CTDSP2: variants seen among roughly 807,000 people sequenced by gnomAD.
CTDSP2 encodes the protein CTD small phosphatase 2.
A neutral mutation model predicts 31.6 loss-of-function variants in CTDSP2; 9 were observed. That is an observed-to-expected ratio of 0.28 (90% confidence interval 0.17 to 0.50). The LOEUF is 0.50. CTDSP2 is among the 20% of genes least tolerant of loss of function. The probability of loss-of-function intolerance (pLI) is 0.98; values close to 1 mark genes in which losing one functional copy is unlikely to be tolerated. For missense variants in CTDSP2, 267 were observed against 348.5 expected (o/e 0.77, Z 1.86); for synonymous variants, 134 against 134.5 (o/e 1.00, Z 0.03).
At chr12:57,836,619 G>A (rs780366727) in intron 1 of CTDSP2, among the ~76,000 whole-genome samples, 13 of 152,144 alleles carry the variant, frequency 8.5e-5, no homozygotes, top group Non-Finnish European at 1.5e-4. Context: ...TCCAGCCTGG[G>A]TGACAGAGTG....
At chr12:57,845,424 T>G (rs1956308790) in intron 1 of CTDSP2, 1 of 152,056 alleles carries the variant, frequency 6.6e-6, no homozygotes, top group African/African-American at 2.4e-5. Context: ...GGGAGAGGCC[T>G]CGGCCTCCGC....
chr12:57,833,763 A>G (rs1956230490), intron 1 of CTDSP2, among the ~76,000 whole-genome samples: 1 of 152,226 alleles, frequency 6.6e-6, no homozygotes, highest in Non-Finnish European at 1.5e-5. Context: ...AGTTAGATAG[A>G]GAAGCCTCCT....
chr12:57,837,921 T>C (rs998379209), intron 1 of CTDSP2, among the ~76,000 whole-genome samples: 1 of 151,894 alleles, frequency 6.6e-6, no homozygotes, highest in Non-Finnish European at 1.5e-5. Context: ...GGGGCGAGGG[T>C]CACAGGTCAC....
intron 1 of CTDSP2, among the ~76,000 whole-genome samples, chr12:57,832,409 G>A (rs1300608647): frequency 6.6e-6 from 1 of 152,182 alleles, no homozygotes; most frequent in South Asian, 2.1e-4. Flanking sequence ...AGGATAAGCT[G>A]AGCACGGTGG....
rs139687109 is a variant in CTDSP2 at position 57,824,290 on chromosome 12, A to G, written c.441T>C (p.Asp147=). ...GTTCCCCCATGCGTCTCAGGAACTCATCCACATAAGGCCTCTTGAGCACAT... is the reference window on the plus strand; with the variant it reads ...GTTCCCCCATGCGTCTCAGGAACTCGTCCACATAAGGCCTCTTGAGCACAT... The part of the protein sequence containing the change: ...QVYVLKRPYV[D]EFLRRMGELF... The change falls in exon 6 of 8, where the codon GAT becomes GAC. Residue 147 remains aspartate (D), a synonymous_variant. Transcript: ENST00000398073. The G allele has an allele frequency of 6.8e-4, 1,104 of 1,614,148 alleles. 9 individuals are homozygous for G. The African/African-American group carries it at 0.013, about 19-fold the overall frequency.
chr12:57,833,987 G>A (rs1428575789), intron 1 of CTDSP2, among the ~76,000 whole-genome samples: 3 of 152,198 alleles, frequency 2.0e-5, no homozygotes, highest in Admixed American at 6.5e-5. Flanking sequence ...GCACAGAGAG[G>A]TTAAGTAACC....
chr12:57,844,441 T>C (rs1956301093), intron 1 of CTDSP2, among the ~76,000 whole-genome samples: 1 of 152,150 alleles, frequency 6.6e-6, no homozygotes, highest in South Asian at 2.1e-4. Flanking sequence ...ACTCCTCGCG[T>C]GGCCCCACGA....
At chr12:57,824,352 T>A (rs1362598963) in intron 5 of CTDSP2, 33 bp from the exon 6 acceptor site, 1 of 1,523,628 alleles carries the variant, frequency 6.6e-7, no homozygotes, top group Admixed American at 1.7e-5. Flanking sequence ...GTTGGAGGCA[T>A]CCCTGTGATG....
Position 57,827,088 on chromosome 12 carries a change from T to C in CTDSP2, c.262A>G (p.Thr88Ala), listed in dbSNP as rs1956187290. Reference sequence around the variant, plus strand: ...TCTGTCACCTCTGGGAGCAGGCAGGTCCCTGGGATCTAAAACCAAGCCAGG... The same window carrying C: ...TCTGTCACCTCTGGGAGCAGGCAGGCCCCTGGGATCTAAAACCAAGCCAGG... ...LQYQFYQIPGTCLLPEVTEED... is the reference protein window; with the variant it reads ...LQYQFYQIPGACLLPEVTEED... The change falls in exon 4 of 8, where the codon ACC (threonine) becomes GCC (alanine). Residue 88 changes from threonine to alanine, a missense_variant. Thr to Ala is a moderately conservative substitution (Grantham distance 58). This residue lies in a region of CTDSP2 where 156 missense variants were observed against 241.3 expected (regional missense o/e 0.65). Transcript: ENST00000398073. The C allele has an allele frequency of 1.2e-6, 2 of 1,613,134 alleles. No individual in the cohort carries two copies. The highest frequency in any genetic ancestry group is 2.7e-5 in the African/African-American group (2 of 75,022).
chr12:57,824,068 G>A lies in CTDSP2; in HGVS notation c.526C>T (p.Leu176=), dbSNP rs1353274856. Residue 176 remains leucine (L), a synonymous_variant, in exon 7 of 8, where the codon CTG becomes TTG. Transcript: ENST00000398073. ...LAKYADPVTD[L]LDRCGVFRAR... Reference sequence around the variant, plus strand: ...CGGAACACCCCACACCGGTCCAGCAGGTCTGTCACAGGGTCGGCATACTAG... The same window carrying A: ...CGGAACACCCCACACCGGTCCAGCAAGTCTGTCACAGGGTCGGCATACTAG... 1 of 1,614,058 alleles carries A rather than the reference G, an allele frequency of 6.2e-7. No individual in the cohort carries two copies. The highest frequency in any genetic ancestry group is 2.2e-5 in the East Asian group (1 of 44,876).
At chr12:57,831,326 G>A (rs926180817) in intron 1 of CTDSP2, among the ~76,000 whole-genome samples, 3 of 151,880 alleles carry the variant, frequency 2.0e-5, no homozygotes, top group Admixed American at 6.6e-5. Flanking sequence ...TGTGGCACGC[G>A]CTTGTAATCC....
rs1240385166 is a variant in CTDSP2, at chr12:57,827,627, T to G, written c.214-37A>C. On this transcript the variant is annotated intron_variant, in intron 2 of 7. Transcript: ENST00000398073. The stretch of plus-strand genomic sequence containing the variant: ...AAGGAGGTGGTCAGTGCCATCTCAC[T>G]GCCTTTCCCACCCCATCCAAACCCA... 4 of 1,602,350 alleles carry G rather than the reference T, an allele frequency of 2.5e-6. No individual in the cohort carries two copies. The South Asian group carries it at 4.4e-5, about 18-fold the overall frequency.
chr12:57,845,710 G>C (rs1235407165), intron 1 of CTDSP2, among the ~76,000 whole-genome samples: 5 of 152,164 alleles, frequency 3.3e-5, no homozygotes, highest in Non-Finnish European at 7.4e-5. Flanking sequence ...TTTGCTCAGC[G>C]AAACTGGTCA....
chr12:57,837,434 A>G (rs1404373186), intron 1 of CTDSP2, among the ~76,000 whole-genome samples: 1 of 152,246 alleles, frequency 6.6e-6, no homozygotes, highest in African/African-American at 2.4e-5. Context: ...TGAAAAAAGC[A>G]GTTTTAACAC....
rs17119958 is a variant in CTDSP2 at position 57,829,725 on chromosome 12, A to C, written c.65-129T>G. The C allele has an allele frequency of 4.7e-3, 3,237 of 693,898 alleles. 81 individuals are homozygous for C. The African/African-American group carries it at 0.051, about 11-fold the overall frequency. The allele number at this position is 693,898 out of a possible 1,614,324, so 43.0% of individuals were successfully genotyped here. A position where few individuals can be genotyped will look rare whatever the true frequency, so the allele number is the denominator to read the frequency against. On this transcript the variant is annotated intron_variant, in intron 1 of 7. Coordinates refer to ENST00000398073, the MANE Select transcript of CTDSP2 (RefSeq NM_005730.4). ...GCACACAGTATACGGCTGGTGAACA[A>C]CCACATACAGTTAACAGTCAAACAT...
At position 57,829,550 on chromosome 12, in the gene CTDSP2, G is replaced by T; in HGVS notation, c.111C>A (p.Ile37=). 6.2e-7 allele frequency: 1 copy of T among 1,614,188 alleles called. No homozygotes were observed. The highest frequency in any genetic ancestry group is 1.3e-5 in the African/African-American group (1 of 75,042). Residue 37 remains isoleucine, a synonymous_variant, in exon 2 of 8, where the codon ATC becomes ATA. Coordinates refer to ENST00000398073, the MANE Select transcript of CTDSP2 (RefSeq NM_005730.4). ...SSPKKPRGRN[I]FKALFCCFRA... ...GAAAACAGCAGAAAAGGGCCTTGAA[G>T]ATGTTACGTCCACGAGGCTTCTTAG...
In CTDSP2 at chr12:57,820,891, T is replaced by G. The variant is rs1956140982; in HGVS notation, c.*2711A>C. The G allele has an allele frequency of 1.3e-5, 2 of 152,134 alleles. No individual in the cohort carries two copies. The highest frequency in any genetic ancestry group is 4.8e-5 in the African/African-American group (2 of 41,410). The allele number at this position is 152,134 out of a possible 1,614,324, so 9.4% of individuals were successfully genotyped here. On this transcript the variant is annotated 3_prime_UTR_variant, in exon 8 of 8. Coordinates refer to ENST00000398073, the MANE Select transcript of CTDSP2 (RefSeq NM_005730.4). Reference sequence around the variant, plus strand: ...ACACTGTGTCCCTGAAGAGGCACCTTAAAAGAACTGAACCTGGCAGGTAGG... The same window carrying G: ...ACACTGTGTCCCTGAAGAGGCACCTGAAAAGAACTGAACCTGGCAGGTAGG...
intron 1 of CTDSP2, among the ~76,000 whole-genome samples, chr12:57,833,373 C>T (rs1440364917): frequency 6.6e-6 from 1 of 152,218 alleles, no homozygotes; most frequent in African/African-American, 2.4e-5. Flanking sequence ...ATGCCTTGAC[C>T]TTGGGGGCAG....
At position 57,833,529 on chromosome 12, in the gene CTDSP2, G is replaced by C. The variant is rs1956229243; in HGVS notation, c.65-3933C>G. ...CCTTTCCTTTCTAAATACTACTCCA[G>C]AGAATTCATCAGAATGCATCAGCCT... On this transcript the variant is annotated intron_variant, in intron 1 of 7. Transcript: ENST00000398073. Among the ~76,000 whole-genome samples, 3 of 152,168 alleles carry C rather than the reference G, an allele frequency of 2.0e-5. No homozygotes were observed. In the South Asian group the frequency reaches 6.2e-4, roughly 32 times the overall value.
Sources: allele counts gnomAD v4.1 joint callset (sites outside exome capture counted in the v4.1 genomes callset), GRCh38; gene constraint gnomAD v4.1.1; regional missense constraint gnomAD v4.1.1; transcripts MANE v1.5; gene names NCBI Gene and HGNC (gene_info 2026-07-23, HGNC 2026-07-21).